Variants in MMS22L observed in about 807,000 individuals in gnomAD.
MMS22L encodes MMS22 like, DNA repair protein, also known as protein MMS22-like.
In MMS22L, 74 loss-of-function variants were observed where a neutral mutation model predicts 159.1. That is an observed-to-expected ratio of 0.47 (90% CI 0.39 to 0.56). The LOEUF is 0.56. MMS22L is among the 20% of genes least tolerant of loss of function. The pLI is 0.00. For synonymous variants in MMS22L, 517 were observed against 506.9 expected, an observed-to-expected ratio of 1.02 and a Z score of -0.27; for missense variants, 1,351 against 1,422.1, an observed-to-expected ratio of 0.95 and a Z score of 0.80.
intron 4 of MMS22L, among the ~76,000 whole-genome samples, chr6:97,276,405 T>G (rs1206393836): frequency 6.6e-6 from 1 of 151,840 alleles, no homozygotes; most frequent in Non-Finnish European, 1.5e-5. Flanking sequence ...TCATAATAAA[T>G]GCCTTCCATG....
At chr6:97,271,083 TAAAAG>T (rs1171051126) in intron 6 of MMS22L, 3 of 152,148 alleles carry the variant, frequency 2.0e-5, no homozygotes, top group African/African-American at 4.8e-5. Flanking sequence ...TCTTAAAAAA[TAAAAG>T]AAGCTCAACT....
rs774305859 is a variant in MMS22L at position 97,281,259 on chromosome 6, T to C, written c.268A>G (p.Arg90Gly). Residue 90 changes from arginine (R) to glycine (G), a missense_variant, in exon 3 of 25, where the codon AGA becomes GGA. Physicochemically the swap from Arg to Gly is moderately radical, Grantham distance 125. Transcript: ENST00000683635. ...TACCTGAATAAATGAAAGAGTTCTC[T>C]AGATGAATTCACTAATGCTGTTTCA... ...VTETALVNSSRELFHLFRQQL... is the reference protein window; with the variant it reads ...VTETALVNSSGELFHLFRQQL... 2.5e-5 allele frequency: 40 copies of C among 1,609,688 alleles called. No individual in the cohort carries two copies. Among genetic ancestry groups the C allele is most frequent in the Non-Finnish European group, 2.3e-5 (27 of 1,179,020 alleles).
At chr6:97,220,802 G>A (rs1417016020) in intron 14 of MMS22L, among the ~76,000 whole-genome samples, 1 of 152,004 alleles carries the variant, frequency 6.6e-6, no homozygotes, top group African/African-American at 2.4e-5. Context: ...CCACTGCAGT[G>A]AGGCAATGTT....
In MMS22L at chr6:97,150,051, C is replaced by T; in HGVS notation, c.3483-31G>A. ...AGTAAAACAGGTTTATTTAGGATTA[C>T]TCCTGGGGCAATTCCTTGTGTTGGT... On this transcript the variant is annotated intron_variant, in intron 23 of 24. Transcript: ENST00000683635. 2.5e-6 allele frequency: 4 copies of T among 1,589,940 alleles called. No individual in the cohort carries two copies. The East Asian group carries it at 6.7e-5, about 27-fold the overall frequency.
intron 14 of MMS22L, among the ~76,000 whole-genome samples, chr6:97,217,845 G>A (rs569158617): frequency 6.6e-6 from 1 of 152,196 alleles, no homozygotes; most frequent in South Asian, 2.1e-4. Flanking sequence ...AGAATCTTCG[G>A]TTCTGAGAAA....
chr6:97,236,222 G>A (rs547342806), intron 11 of MMS22L, among the ~76,000 whole-genome samples: 6 of 151,320 alleles, frequency 4.0e-5, no homozygotes, highest in South Asian at 2.1e-4. Flanking sequence ...CCAGCTACTC[G>A]GGAGGCCAAA....
At chr6:97,262,657 CA>C (rs71012591) in intron 9 of MMS22L, among the ~76,000 whole-genome samples, 1,095 of 106,054 alleles carry the variant, frequency 0.01, 4 homozygotes, top group Non-Finnish European at 0.015. Context: ...AAGACTGCCT[CA>C]AAAAAAAAAA....
intron 11 of MMS22L, among the ~76,000 whole-genome samples, 197 bp downstream of exon 11, chr6:97,246,431 T>C (rs1268583380): frequency 6.6e-6 from 1 of 152,240 alleles, no homozygotes; most frequent in Non-Finnish European, 1.5e-5. Context: ...TAGGATATTA[T>C]TGTCCTTTAA....
rs527860210 is a variant in MMS22L, at chr6:97,233,997, A to G, written c.1183-17T>C. 1.4e-4 allele frequency: 232 copies of G among 1,603,744 alleles called. No homozygotes were observed. In the South Asian group the frequency reaches 2.4e-3, roughly 16 times the overall value. On this transcript the variant is annotated splice_polypyrimidine_tract_variant and intron_variant, in intron 11 of 24. Transcript: ENST00000683635. ...AATGACACCCTAAAAAATAAACTGA[A>G]GTTATGAGAAGGTAAATGGGCTCTG...
intron 17 of MMS22L, among the ~76,000 whole-genome samples, chr6:97,179,093 C>T (rs1374564530): frequency 1.3e-5 from 2 of 152,016 alleles, no homozygotes; most frequent in Non-Finnish European, 2.9e-5. Flanking sequence ...CAGAGTTCTA[C>T]TTTTTTCGTG....
intron 7 of MMS22L, among the ~76,000 whole-genome samples, chr6:97,268,246 G>A (rs1183209449): frequency 6.7e-6 from 1 of 148,822 alleles, no homozygotes; most frequent in Non-Finnish European, 1.5e-5. Flanking sequence ...GTGCAGTGAC[G>A]CGATCTCAGA....
intron 11 of MMS22L, among the ~76,000 whole-genome samples, chr6:97,242,703 A>G (rs6900250): frequency 0.64 from 97,966 of 151,918 alleles, 33,093 homozygotes; most frequent in Non-Finnish European, 0.76. Flanking sequence ...TGCTTTAAAG[A>G]GGTTTGTTTG....
At chr6:97,184,941 A>G (rs1168486145) in intron 15 of MMS22L, among the ~76,000 whole-genome samples, 1 of 152,104 alleles carries the variant, frequency 6.6e-6, no homozygotes, top group Non-Finnish European at 1.5e-5. Flanking sequence ...TTACCTCTTG[A>G]TCCATCTCTT....
At chr6:97,193,618 T>C (rs1806127732) in intron 14 of MMS22L, among the ~76,000 whole-genome samples, 1 of 152,224 alleles carries the variant, frequency 6.6e-6, no homozygotes. Flanking sequence ...TATCTGTATA[T>C]CTTTCTACAA....
intron 19 of MMS22L, among the ~76,000 whole-genome samples, chr6:97,170,392 T>C (rs1803409385): frequency 6.6e-6 from 1 of 151,976 alleles, no homozygotes; most frequent in Admixed American, 6.6e-5. Context: ...AAAATGGAAA[T>C]ATAAAAAGAT....
Position 97,168,232 on chromosome 6 carries a change from C to G in MMS22L, c.2848G>C (p.Val950Leu). 6.2e-7 allele frequency: 1 copy of G among 1,612,190 alleles called. No homozygotes were observed. Among genetic ancestry groups the G allele is most frequent in the Non-Finnish European group, 8.5e-7 (1 of 1,179,022 alleles). The change falls in exon 20 of 25, where the codon GTG becomes CTG. Residue 950 changes from valine (V) to leucine (L), a missense_variant. By Grantham distance (32) the Val-to-Leu change is conservative. Coordinates refer to ENST00000683635, the MANE Select transcript of MMS22L (RefSeq NM_001350599.2). ...QLTYGMMGILVKSWAQIFATS... is the reference protein window; with the variant it reads ...QLTYGMMGILLKSWAQIFATS... ...GCAAAGATTTGTGCCCATGATTTCACAAGAATTCCTAACAAAGAAGAGAAG... is the reference window on the plus strand; with the variant it reads ...GCAAAGATTTGTGCCCATGATTTCAGAAGAATTCCTAACAAAGAAGAGAAG...
intron 10 of MMS22L, among the ~76,000 whole-genome samples, chr6:97,250,558 T>A (rs1242121687): frequency 6.6e-6 from 1 of 152,152 alleles, no homozygotes; most frequent in Admixed American, 6.5e-5. Context: ...CCCACTCTCA[T>A]CTTGTCTGAG....
intron 18 of MMS22L, among the ~76,000 whole-genome samples, chr6:97,177,989 A>G (rs1353140198): frequency 6.6e-6 from 1 of 152,130 alleles, no homozygotes; most frequent in Non-Finnish European, 1.5e-5. Context: ...AACAAAACAA[A>G]TGGATTGGAT....
At chr6:97,195,004 C>T (rs2128292490) in intron 14 of MMS22L, among the ~76,000 whole-genome samples, 1 of 152,202 alleles carries the variant, frequency 6.6e-6, no homozygotes, top group African/African-American at 2.4e-5. Flanking sequence ...CATGTAATAC[C>T]TGAACTTGTG....
Sources: gnomAD v4.1 joint callset for allele counts (sites outside exome capture counted in the v4.1 genomes callset) on GRCh38, gnomAD v4.1.1 for gene constraint, MANE v1.5 for transcripts, NCBI Gene and HGNC (gene_info 2026-07-23, HGNC 2026-07-21) for gene names.